The following CSN2 variants were observed in gnomAD, a reference collection of about 807,000 sequenced individuals.
CSN2 encodes beta-casein.
Under a neutral mutation model 27.3 loss-of-function variants are expected in CSN2, and 27 were observed. That is an observed-to-expected ratio of 0.99 (90% CI 0.73 to 1.36). The LOEUF is 1.36. CSN2 is among the 40% of genes most tolerant of loss of function. The pLI, the probability that CSN2 is intolerant of heterozygous loss-of-function variation, is 0.00. For missense variants in CSN2, 333 were observed against 264.5 expected (o/e 1.26, Z -1.80); for synonymous variants, 131 against 94.8 (o/e 1.38, Z -2.22).
intron 3 of CSN2, among the ~76,000 whole-genome samples, chr4:69,959,313 T>C (rs1212555933): frequency 6.6e-6 from 1 of 152,052 alleles, no homozygotes; most frequent in African/African-American, 2.4e-5. Context: ...TCTACCACCA[T>C]GCTCATTCCC....
intron 1 of CSN2, among the ~76,000 whole-genome samples, chr4:69,961,348 A>G (rs913264675): frequency 7.9e-5 from 12 of 152,148 alleles, no homozygotes; most frequent in Non-Finnish European, 1.5e-5. Flanking sequence ...ATATGTATGG[A>G]AAGATTTATG....
Position 69,955,538 on chromosome 4 carries a change from G to A in CSN2, c.*91C>T, listed in dbSNP as rs578260778. On this transcript the variant is annotated 3_prime_UTR_variant, in exon 8 of 8. Transcript: ENST00000353151. ...AAACTCATTCAAACATACTTAATTT[G>A]GGGTAACGTGATACAAAGACGGAAA... 3.3e-5 allele frequency: 5 copies of A among 152,532 alleles called. No homozygotes were observed. In the East Asian group the frequency reaches 9.6e-4, roughly 29 times the overall value. The allele number at this position is 152,532 out of a possible 1,614,324, so 9.4% of individuals were successfully genotyped here.
At chr4:69,961,638 CAAA>C (rs1723589581) in intron 1 of CSN2, among the ~76,000 whole-genome samples, 1 of 152,120 alleles carries the variant, frequency 6.6e-6, no homozygotes, top group Non-Finnish European at 1.5e-5. Context: ...ACTGAATGGA[CAAA>C]AACTGGAAGC....
intron 7 of CSN2, among the ~76,000 whole-genome samples, 181 bp downstream of exon 7, chr4:69,956,133 A>G (rs1384104933): frequency 6.6e-6 from 1 of 152,078 alleles, no homozygotes; most frequent in Admixed American, 6.6e-5. Flanking sequence ...GTTATTTGAA[A>G]TGCAAAAGAT....
intron 1 of CSN2, among the ~76,000 whole-genome samples, chr4:69,962,796 G>A (rs928086721): frequency 6.6e-6 from 1 of 152,210 alleles, no homozygotes. Flanking sequence ...GAGTGAACAG[G>A]CAACCTGCAG....
At chr4:69,956,543 A>G (rs1231710299) in intron 6 of CSN2, among the ~76,000 whole-genome samples, 188 bp from the exon 7 acceptor site, 3 of 152,038 alleles carry the variant, frequency 2.0e-5, no homozygotes, top group African/African-American at 7.2e-5. Flanking sequence ...ACCTCTTAGT[A>G]AGAAAACTTG....
At position 69,960,965 on chromosome 4, in the gene CSN2, C is replaced by A; in HGVS notation, c.31G>T (p.Ala11Ser). MKVLILACLVALALARETIES... is the reference protein window; with the variant it reads MKVLILACLVSLALARETIES... ...CATACCTCCCTTGCAAGAGCAAGAG[C>A]CACCAGGCAGGCGAGGATGAGGACC... Residue 11 changes from alanine to serine, a missense_variant, in exon 2 of 8, where the codon GCT (alanine) becomes TCT (serine). Ala to Ser is a moderately conservative substitution (Grantham distance 99). Coordinates refer to ENST00000353151, the MANE Select transcript of CSN2 (RefSeq NM_001891.4). The A allele has an allele frequency of 1.2e-6, 2 of 1,612,822 alleles. No individual in the cohort carries two copies. Among genetic ancestry groups the A allele is most frequent in the Non-Finnish European group, 1.7e-6 (2 of 1,179,218 alleles).
intron 3 of CSN2, among the ~76,000 whole-genome samples, chr4:69,959,531 G>C (rs1317402014): frequency 1.3e-5 from 2 of 152,050 alleles, no homozygotes; most frequent in Admixed American, 6.6e-5. Flanking sequence ...CACCCAAGAA[G>C]AGTGGTGTAA....
In CSN2 at chr4:69,960,086, G is replaced by GA. The variant is rs552667535; in HGVS notation, c.52-8dup. The GA allele has an allele frequency of 3.1e-4, 491 of 1,592,508 alleles. No homozygotes were observed. Among genetic ancestry groups the GA allele is most frequent in the Admixed American group, 6.5e-4 (38 of 58,684 alleles). ...TTGAAAGGCTTTCTATGGTCTGTGG[G>GA]AAAAAAAAATTGACAACCAGCTAAA... On this transcript the variant is annotated splice_region_variant and splice_polypyrimidine_tract_variant and intron_variant, in intron 2 of 7. Coordinates refer to ENST00000353151, the MANE Select transcript of CSN2 (RefSeq NM_001891.4).
chr4:69,958,307 G>A (rs911897557), intron 5 of CSN2, among the ~76,000 whole-genome samples: 10 of 152,030 alleles, frequency 6.6e-5, no homozygotes, highest in Middle Eastern at 3.2e-3. Flanking sequence ...ATTTAACACC[G>A]GCCAAATTCT....
intron 5 of CSN2, 108 bp downstream of exon 5, chr4:69,958,801 C>T (rs1378227483): frequency 5.6e-6 from 4 of 711,440 alleles, no homozygotes; most frequent in Non-Finnish European, 8.9e-6. Context: ...GGGTATATGG[C>T]ATTTATTTTA....
chr4:69,956,209 T>C, intron 7 of CSN2, 105 bp downstream of exon 7: 1 of 700,906 alleles, frequency 1.4e-6, no homozygotes, highest in Non-Finnish European at 2.0e-6. Context: ...AAAGTTCTTG[T>C]ATGTATGAAA....
chr4:69,957,777 A>C lies in CSN2; in HGVS notation c.172T>G (p.Ser58Ala), dbSNP rs1723454239. 5.0e-6 allele frequency: 8 copies of C among 1,613,616 alleles called. No homozygotes were observed. Among genetic ancestry groups the C allele is most frequent in the Non-Finnish European group, 5.9e-6 (7 of 1,179,702 alleles). Residue 58 changes from serine to alanine, a missense_variant, in exon 6 of 8, where the codon TCT becomes GCT. By Grantham distance (99) the Ser-to-Ala change is moderately conservative. Coordinates refer to ENST00000353151, the MANE Select transcript of CSN2 (RefSeq NM_001891.4). Reference sequence around the variant, plus strand: ...TAGATCAGAGGCTGTGGCTGGAAAGAGGGGTAGATTTTATCCTGGTGTTCA... The same window carrying C: ...TAGATCAGAGGCTGTGGCTGGAAAGCGGGGTAGATTTTATCCTGGTGTTCA... ...EDEHQDKIYP[S>A]FQPQPLIYPF...
chr4:69,964,343 T>A (rs566873742), intron 1 of CSN2, among the ~76,000 whole-genome samples: 1 of 152,248 alleles, frequency 6.6e-6, no homozygotes, highest in South Asian at 2.1e-4. Context: ...CCTTGTTATG[T>A]GTTCTTACAT....
At chr4:69,958,865 A>T (rs1248515493) in intron 5 of CSN2, 44 bp downstream of exon 5, 1 of 1,247,188 alleles carries the variant, frequency 8.0e-7, no homozygotes, top group Admixed American at 1.9e-5. Flanking sequence ...TATGTATTAT[A>T]CTTTATAATA....
At chr4:69,961,822 A>T (rs896987971) in intron 1 of CSN2, among the ~76,000 whole-genome samples, 1 of 152,206 alleles carries the variant, frequency 6.6e-6, no homozygotes. Context: ...ATGACTGTGT[A>T]TCTAGAAAAC....
At chr4:69,965,127 A>T (rs1188495636) in intron 1 of CSN2, among the ~76,000 whole-genome samples, 1 of 151,252 alleles carries the variant, frequency 6.6e-6, no homozygotes, top group African/African-American at 2.4e-5. Flanking sequence ...TAAACTGGGA[A>T]GTTTGAGGCT....
At position 69,956,013 on chromosome 4, in the gene CSN2, A is replaced by C. The variant is rs1479368309; in HGVS notation, c.*36+301T>G. On this transcript the variant is annotated intron_variant, in intron 7 of 7. Coordinates refer to ENST00000353151, the MANE Select transcript of CSN2 (RefSeq NM_001891.4). The stretch of plus-strand genomic sequence containing the variant: ...CTCAAATGTATTTCCATAAAAGTAA[A>C]ATAAGTATATATTCTGTCTTTCCTA... Among the ~76,000 whole-genome samples, 5 of 152,232 alleles carry C rather than the reference A, an allele frequency of 3.3e-5. No individual in the cohort carries two copies. The East Asian group carries it at 9.6e-4, about 29-fold the overall frequency.
At chr4:69,958,077 T>C (rs1197219527) in intron 5 of CSN2, among the ~76,000 whole-genome samples, 1 of 152,210 alleles carries the variant, frequency 6.6e-6, no homozygotes, top group African/African-American at 2.4e-5. Context: ...TTTTAACATT[T>C]TCCTGAATTG....
Sources: gnomAD v4.1 joint callset for allele counts (sites outside exome capture counted in the v4.1 genomes callset) on GRCh38, gnomAD v4.1.1 for gene constraint, MANE v1.5 for transcripts, NCBI Gene and HGNC (gene_info 2026-07-23, HGNC 2026-07-21) for gene names.